ANO2: variants seen among roughly 807,000 people sequenced by gnomAD.
ANO2 encodes the protein anoctamin-2.
A neutral mutation model predicts 124.2 loss-of-function variants in ANO2; 101 were observed. That is an observed-to-expected ratio of 0.81 (90% CI 0.69 to 0.96). The LOEUF (loss-of-function observed/expected upper bound fraction) is 0.96, where lower values mean the gene tolerates loss of function less well. Among genes scored for constraint, ANO2 ranks in the 40% least tolerant of loss-of-function variants. The probability of loss-of-function intolerance (pLI) is 0.00; values close to 1 mark genes in which losing one functional copy is unlikely to be tolerated. For synonymous variants in ANO2, 486 were observed against 482.5 expected (o/e 1.01, Z -0.09); for missense variants, 1,293 against 1,274.5 (o/e 1.01, Z -0.22).
At chr12:5,849,519 G>A (rs549078307) in intron 4 of ANO2, among the ~76,000 whole-genome samples, 1 of 152,362 alleles carries the variant, frequency 6.6e-6, no homozygotes, top group South Asian at 2.1e-4. Flanking sequence ...CCAAAGGCCA[G>A]GCCTTCCCAC....
At chr12:5,818,449 A>ATT (rs1432345025) in intron 7 of ANO2, among the ~76,000 whole-genome samples, 12 of 970 alleles carry the variant, frequency 0.012, no homozygotes, top group Admixed American at 0.019. Flanking sequence ...AACTCATATT[A>ATT]TATATATATA....
chr12:5,913,342 C>T (rs543229312), intron 3 of ANO2, among the ~76,000 whole-genome samples: 14 of 152,110 alleles, frequency 9.2e-5, no homozygotes, highest in East Asian at 1.9e-4. Context: ...TGATCTGGGT[C>T]CCAAAAAATG....
intron 14 of ANO2, among the ~76,000 whole-genome samples, chr12:5,702,726 C>G (rs1215053877): frequency 1.3e-5 from 2 of 152,156 alleles, no homozygotes; most frequent in Non-Finnish European, 2.9e-5. Flanking sequence ...TATGATCTTG[C>G]TGGATAGAGA....
At position 5,678,860 on chromosome 12, in the gene ANO2, C is replaced by G. The variant is rs571408154; in HGVS notation, c.1546-31059G>C. ...TGGCAGCAGGTATATCCGTGAAGATCTCAGGTGCCTAGCAAGGTTGGCTGA... is the reference window on the plus strand; with the variant it reads ...TGGCAGCAGGTATATCCGTGAAGATGTCAGGTGCCTAGCAAGGTTGGCTGA... On this transcript the variant is annotated intron_variant, in intron 14 of 24. Coordinates refer to ENST00000682330, the MANE Select transcript of ANO2 (RefSeq NM_001364791.2). 2.2e-3 allele frequency among the ~76,000 whole-genome samples: 340 copies of G among 152,318 alleles called. 1 individual carries two copies. The highest frequency in any genetic ancestry group is 3.5e-3 in the Non-Finnish European group (238 of 68,032).
At chr12:5,918,657 T>A (rs1591791286) in intron 3 of ANO2, among the ~76,000 whole-genome samples, 1 of 152,102 alleles carries the variant, frequency 6.6e-6, no homozygotes, top group African/African-American at 2.4e-5. Context: ...GCCAGGCTGG[T>A]CTTGATCTCT....
At chr12:5,858,543 A>T (rs985485314) in intron 3 of ANO2, 13 of 152,306 alleles carry the variant, frequency 8.5e-5, no homozygotes, top group African/African-American at 3.1e-4. Flanking sequence ...TTAAAAAAAA[A>T]ATTATTTGCC....
chr12:5,735,773 A>G (rs189159484), intron 13 of ANO2, among the ~76,000 whole-genome samples: 43 of 152,332 alleles, frequency 2.8e-4, no homozygotes, highest in Admixed American at 2.5e-3. Context: ...GACAGAATGA[A>G]GGCCTGGGTA....
chr12:5,591,006 C>T (rs1943369057), intron 20 of ANO2, among the ~76,000 whole-genome samples: 1 of 152,064 alleles, frequency 6.6e-6, no homozygotes, highest in South Asian at 2.1e-4. Context: ...ATGGTGAAAC[C>T]CCGTCTCTAC....
intron 1 of ANO2, among the ~76,000 whole-genome samples, chr12:5,932,803 A>T (rs144961193): frequency 2.0e-4 from 31 of 152,338 alleles, no homozygotes; most frequent in African/African-American, 6.5e-4. Context: ...TCAACATGAA[A>T]GTATGAAGAA....
chr12:5,635,173 C>A lies in ANO2; in HGVS notation c.1795G>T (p.Ala599Ser). The change falls in exon 16 of 25, where the codon GCC (alanine) becomes TCC (serine). Residue 599 changes from alanine to serine, a missense_variant. Coordinates refer to ENST00000682330, the MANE Select transcript of ANO2 (RefSeq NM_001364791.2). The surrounding 1 kb of genome is among the most constrained non-coding windows in gnomAD (Gnocchi z 5.2). ...LILDEIYGAVAKWLTKIEVPK... is the reference protein window; with the variant it reads ...LILDEIYGAVSKWLTKIEVPK... The stretch of plus-strand genomic sequence containing the variant: ...GTACCAATTTTGGTGAGCCACTTGG[C>A]CACAGCGCCGTAGATCTCGTCCAGG... 1 of 1,587,532 alleles carries A rather than the reference C, an allele frequency of 6.3e-7. No individual in the cohort carries two copies. The highest frequency in any genetic ancestry group is 8.5e-7 in the Non-Finnish European group (1 of 1,170,274).
intron 14 of ANO2, among the ~76,000 whole-genome samples, chr12:5,688,175 C>T (rs1045055683): frequency 7.9e-5 from 12 of 152,164 alleles, no homozygotes; most frequent in African/African-American, 2.7e-4. Context: ...TATGCCAAAA[C>T]CGTACTCCAA....
At chr12:5,851,263 T>C (rs1004317080) in intron 4 of ANO2, among the ~76,000 whole-genome samples, 2 of 152,192 alleles carry the variant, frequency 1.3e-5, no homozygotes, top group African/African-American at 4.8e-5. Context: ...ATGTCATTTA[T>C]GCAAAACTAT....
At chr12:5,660,771 A>G (rs1947397328) in intron 14 of ANO2, among the ~76,000 whole-genome samples, 1 of 152,190 alleles carries the variant, frequency 6.6e-6, no homozygotes, top group Admixed American at 6.5e-5. Context: ...CAGAGAGTGG[A>G]TATCAGTTTG....
At chr12:5,845,577 A>G (rs1319186049) in intron 4 of ANO2, among the ~76,000 whole-genome samples, 1 of 152,098 alleles carries the variant, frequency 6.6e-6, no homozygotes, top group Non-Finnish European at 1.5e-5. Flanking sequence ...AAAAAAAAAA[A>G]AAAAAAAAAT....
intron 4 of ANO2, among the ~76,000 whole-genome samples, chr12:5,837,293 CTTTTTTTTT>C (rs10623130): frequency 3.6e-4 from 34 of 95,636 alleles, no homozygotes; most frequent in Non-Finnish European, 6.1e-4. Flanking sequence ...ATGCAGATTT[CTTTTTTTTT>C]TTTTTTTTTT....
At chr12:5,800,278 C>A (rs981836744) in intron 9 of ANO2, among the ~76,000 whole-genome samples, 1 of 152,116 alleles carries the variant, frequency 6.6e-6, no homozygotes, top group South Asian at 2.1e-4. Context: ...ACGTGGGAGA[C>A]AAAGTCAGAA....
intron 16 of ANO2, among the ~76,000 whole-genome samples, chr12:5,622,224 A>G (rs1340193547): frequency 1.3e-5 from 2 of 152,208 alleles, no homozygotes; most frequent in African/African-American, 4.8e-5. Flanking sequence ...CAGTCCCTAC[A>G]GCAATTCCCT....
intron 14 of ANO2, among the ~76,000 whole-genome samples, chr12:5,651,534 C>T (rs1253659830): frequency 2.0e-5 from 3 of 152,170 alleles, no homozygotes; most frequent in African/African-American, 7.2e-5. Flanking sequence ...GATCCTCCTG[C>T]CTCAGCCTCC....
intron 7 of ANO2, among the ~76,000 whole-genome samples, chr12:5,817,785 G>T (rs1369624511): frequency 2.6e-5 from 4 of 152,168 alleles, no homozygotes; most frequent in Middle Eastern, 3.2e-3. Context: ...GGAAATGCAG[G>T]GCTGCAATTG....
Sources: gnomAD v4.1 joint callset for allele counts (sites outside exome capture counted in the v4.1 genomes callset) on GRCh38, gnomAD v4.1.1 for gene constraint, Gnocchi (gnomAD v3.1) non-coding constraint, MANE v1.5 for transcripts, NCBI Gene and HGNC (gene_info 2026-07-23, HGNC 2026-07-21) for gene names.